TBC1D8: variants seen among roughly 807,000 people sequenced by gnomAD.
TBC1D8 encodes TBC1 domain family member 8.
In TBC1D8, 65 loss-of-function variants were observed where a neutral mutation model predicts 118.8. The observed-to-expected ratio is 0.55, with a 90% CI of 0.45 to 0.67. TBC1D8 has a LOEUF of 0.67. TBC1D8 is among the 30% of genes least tolerant of loss of function. The probability of loss-of-function intolerance (pLI) is 0.00; values close to 1 mark genes in which losing one functional copy is unlikely to be tolerated. For synonymous variants in TBC1D8, 566 were observed against 595.8 expected (o/e 0.95, Z 0.73); for missense variants, 1,376 against 1,471.2 (o/e 0.94, Z 1.06).
chr2:101,071,576 T>A (rs1232336164), intron 2 of TBC1D8, among the ~76,000 whole-genome samples: 1 of 152,216 alleles, frequency 6.6e-6, no homozygotes, highest in Non-Finnish European at 1.5e-5. Context: ...AACTTAAGAA[T>A]GATGAAAGGT....
intron 15 of TBC1D8, among the ~76,000 whole-genome samples, chr2:101,023,046 G>C (rs1281808453): frequency 6.6e-6 from 1 of 151,942 alleles, no homozygotes; most frequent in African/African-American, 2.4e-5. Context: ...TCAGGAGGCT[G>C]AGACAGGAGA....
chr2:101,103,460 C>T (rs376309890), intron 1 of TBC1D8, among the ~76,000 whole-genome samples: 9 of 150,426 alleles, frequency 6.0e-5, no homozygotes, highest in Admixed American at 1.3e-4. Flanking sequence ...GGCACTATCT[C>T]GGCTCACTGC....
At chr2:101,097,153 AAG>A (rs1244342415) in intron 1 of TBC1D8, among the ~76,000 whole-genome samples, 1 of 152,194 alleles carries the variant, frequency 6.6e-6, no homozygotes, top group Non-Finnish European at 1.5e-5. Context: ...GCCTGCGAAC[AAG>A]AGAGTGGGGT....
intron 17 of TBC1D8, chr2:101,017,916 A>C (rs753103867): frequency 6.4e-7 from 1 of 1,550,716 alleles, no homozygotes; most frequent in African/African-American, 1.4e-5. Flanking sequence ...GAAACCGAAC[A>C]AGAAGAGGAA....
chr2:101,043,954 A>C (rs752248977), intron 5 of TBC1D8, among the ~76,000 whole-genome samples: 25 of 152,104 alleles, frequency 1.6e-4, no homozygotes, highest in Non-Finnish European at 2.6e-4. Flanking sequence ...AAACAAACAA[A>C]AAAAAAAGAA....
At chr2:101,149,149 G>A (rs1325686053) in intron 1 of TBC1D8, among the ~76,000 whole-genome samples, 2 of 152,098 alleles carry the variant, frequency 1.3e-5, no homozygotes, top group African/African-American at 4.8e-5. Context: ...CTTTATGGTC[G>A]ATCTTGTTGC....
chr2:101,114,540 C>T (rs1239969617), intron 1 of TBC1D8, among the ~76,000 whole-genome samples: 2 of 152,154 alleles, frequency 1.3e-5, no homozygotes, highest in Admixed American at 1.3e-4. Flanking sequence ...TCTTGAAATC[C>T]GATTACTCAA....
intron 17 of TBC1D8, among the ~76,000 whole-genome samples, chr2:101,013,914 T>C (rs982668634): frequency 2.6e-5 from 4 of 152,214 alleles, no homozygotes; most frequent in Non-Finnish European, 4.4e-5. Flanking sequence ...TCCATAGTGG[T>C]TGGAAACAGC....
At chr2:101,039,353 C>A (rs779182722) in intron 6 of TBC1D8, among the ~76,000 whole-genome samples, 31 of 152,066 alleles carry the variant, frequency 2.0e-4, no homozygotes, top group Admixed American at 5.9e-4. Flanking sequence ...GTTAGGAGAC[C>A]ACAAGGAGTA....
chr2:101,063,898 C>T (rs1233656433), intron 2 of TBC1D8, among the ~76,000 whole-genome samples: 1 of 151,900 alleles, frequency 6.6e-6, no homozygotes, highest in East Asian at 1.9e-4. Context: ...AAACTGAAAG[C>T]CACTGCATTA....
intron 1 of TBC1D8, among the ~76,000 whole-genome samples, chr2:101,094,840 G>C (rs1300284653): frequency 6.6e-6 from 1 of 152,148 alleles, no homozygotes; most frequent in Non-Finnish European, 1.5e-5. Context: ...AAATTGAAAA[G>C]CCATGATTTT....
chr2:101,118,521 C>T (rs1340272277), intron 1 of TBC1D8, among the ~76,000 whole-genome samples: 1 of 150,962 alleles, frequency 6.6e-6, no homozygotes, highest in East Asian at 2.0e-4. Flanking sequence ...ACGGTGAAAC[C>T]CTGTCTCTAC....
chr2:101,126,500 G>C (rs1678365192), intron 1 of TBC1D8, among the ~76,000 whole-genome samples: 1 of 152,172 alleles, frequency 6.6e-6, no homozygotes, highest in Non-Finnish European at 1.5e-5. Context: ...AGAAAAGACA[G>C]ATACCAGGGC....
chr2:101,028,232 A>G (rs1680455312), intron 13 of TBC1D8, 71 bp downstream of exon 13: 1 of 1,593,398 alleles, frequency 6.3e-7, no homozygotes, highest in Non-Finnish European at 8.6e-7. Context: ...CTCCTTCCAC[A>G]TCCATCCCCC....
chr2:101,095,947 T>C (rs1386798244), intron 1 of TBC1D8, among the ~76,000 whole-genome samples: 1 of 152,086 alleles, frequency 6.6e-6, no homozygotes, highest in Non-Finnish European at 1.5e-5. Context: ...TATGCTACTA[T>C]TATAGAACTC....
At chr2:101,087,618 G>A (rs1368993471) in intron 2 of TBC1D8, among the ~76,000 whole-genome samples, 1 of 149,358 alleles carries the variant, frequency 6.7e-6, no homozygotes, top group Non-Finnish European at 1.5e-5. Flanking sequence ...ACTCCAGCCT[G>A]GGCAACAAAA....
At chr2:101,114,541 G>C (rs775221200) in intron 1 of TBC1D8, among the ~76,000 whole-genome samples, 2 of 152,114 alleles carry the variant, frequency 1.3e-5, no homozygotes, top group African/African-American at 4.8e-5. Flanking sequence ...CTTGAAATCC[G>C]ATTACTCAAA....
rs543741060 is a variant in TBC1D8 at position 101,116,161 on chromosome 2, T to C, written c.128-25797A>G. Among the ~76,000 whole-genome samples, 5 of 152,298 alleles carry C rather than the reference T, an allele frequency of 3.3e-5. No homozygotes were observed. The South Asian group carries it at 8.3e-4, about 25-fold the overall frequency. ...ATGTTTCCAAGTTTCTTTCTGGTAA[T>C]GGGTGAGGAGGCAGGGAAGTACTAT... On this transcript the variant is annotated intron_variant, in intron 1 of 19. Transcript: ENST00000409318.
intron 5 of TBC1D8, among the ~76,000 whole-genome samples, chr2:101,041,489 T>C (rs955469951): frequency 1.3e-5 from 2 of 151,916 alleles, no homozygotes; most frequent in Non-Finnish European, 2.9e-5. Flanking sequence ...AATAAGCAAA[T>C]CTCTAGAGAC....
Sources: allele counts gnomAD v4.1 joint callset (sites outside exome capture counted in the v4.1 genomes callset), GRCh38; gene constraint gnomAD v4.1.1; transcripts MANE v1.5; gene names NCBI Gene and HGNC (gene_info 2026-07-23, HGNC 2026-07-21).